The following PCDH15 variants were observed in gnomAD, a reference collection of about 807,000 sequenced individuals.
PCDH15 encodes the protein protocadherin related 15, also known as protocadherin-15.
PCDH15 carries 129 observed loss-of-function variants against 178.5 expected under a neutral mutation model. The ratio of observed to expected loss-of-function variants is 0.72; its 90% CI spans 0.63 to 0.84. The LOEUF (loss-of-function observed/expected upper bound fraction) is 0.84. PCDH15 is among the 40% of genes least tolerant of loss of function. The pLI is 0.00. For synonymous variants in PCDH15, 800 were observed against 732.0 expected (o/e 1.09, Z -1.50); for missense variants, 2,230 against 2,099.9 (o/e 1.06, Z -1.21).
At chr10:55,021,805 A>G (rs1840336234) in intron 2 of PCDH15, among the ~76,000 whole-genome samples, 1 of 152,132 alleles carries the variant, frequency 6.6e-6, no homozygotes. Context: ...AAGGCACATT[A>G]AGAAGTAATA....
chr10:55,161,978 A>G (rs1264098932), intron 2 of PCDH15, among the ~76,000 whole-genome samples: 1 of 152,162 alleles, frequency 6.6e-6, no homozygotes, highest in Admixed American at 6.6e-5. Context: ...AGAAATACTT[A>G]AGCTCCCTTC....
chr10:55,152,582 A>G (rs938936919), intron 2 of PCDH15, among the ~76,000 whole-genome samples: 4 of 152,180 alleles, frequency 2.6e-5, no homozygotes, highest in African/African-American at 9.6e-5. Flanking sequence ...CTTTCCTGCT[A>G]GATGACACAG....
intron 13 of PCDH15, among the ~76,000 whole-genome samples, chr10:54,169,046 G>A (rs2133580722): frequency 6.6e-6 from 1 of 152,226 alleles, no homozygotes; most frequent in East Asian, 1.9e-4. Flanking sequence ...AGGAAATCTG[G>A]CCACTGGGCC....
At chr10:55,040,871 CAG>C (rs1174607714) in intron 2 of PCDH15, among the ~76,000 whole-genome samples, 5 of 151,670 alleles carry the variant, frequency 3.3e-5, no homozygotes, top group African/African-American at 9.7e-5. Flanking sequence ...TTTGTATCTG[CAG>C]AGAGAGATGA....
chr10:53,984,148 CT>C (rs66540462), intron 21 of PCDH15, among the ~76,000 whole-genome samples: 48 of 63,532 alleles, frequency 7.6e-4, no homozygotes, highest in Middle Eastern at 0.014. Context: ...TTTTTCTTTT[CT>C]TTTTTTTTTT....
At chr10:53,924,627 A>G (rs2084329158) in intron 25 of PCDH15, among the ~76,000 whole-genome samples, 1 of 152,248 alleles carries the variant, frequency 6.6e-6, no homozygotes, top group Non-Finnish European at 1.5e-5. Flanking sequence ...CACTAGGTGA[A>G]GCCAGCTGGG....
chr10:54,211,725 A>T lies in PCDH15; in HGVS notation c.1098+2211T>A, dbSNP rs76052277. Among the ~76,000 whole-genome samples, 1,411 of 152,174 alleles carry T rather than the reference A, an allele frequency of 9.3e-3. 25 individuals are homozygous for T. The highest frequency in any genetic ancestry group is 0.032 in the African/African-American group (1,336 of 41,522). Reference sequence around the variant, plus strand: ...ACAAAAACTTTTAGGGCCAATGAAAAAATGAAGTATTATTAAAGTAAAAAG... The same window carrying T: ...ACAAAAACTTTTAGGGCCAATGAAATAATGAAGTATTATTAAAGTAAAAAG... On this transcript the variant is annotated intron_variant, in intron 10 of 37. Transcript: ENST00000644397.
At chr10:55,528,518 T>C (rs1377279941) in intron 2 of PCDH15, among the ~76,000 whole-genome samples, 1 of 152,080 alleles carries the variant, frequency 6.6e-6, no homozygotes, top group Non-Finnish European at 1.5e-5. Flanking sequence ...AGAATGATGG[T>C]TTCTAGCTTC....
chr10:55,408,002 C>T (rs1838241825), intron 2 of PCDH15, among the ~76,000 whole-genome samples: 1 of 151,864 alleles, frequency 6.6e-6, no homozygotes, highest in Admixed American at 6.6e-5. Flanking sequence ...CACAGAGGCA[C>T]CAAAAATGTG....
At chr10:54,053,129 T>C (rs1379091983) in intron 18 of PCDH15, among the ~76,000 whole-genome samples, 1 of 152,086 alleles carries the variant, frequency 6.6e-6, no homozygotes, top group Non-Finnish European at 1.5e-5. Flanking sequence ...AAGTATACTC[T>C]TACACATACT....
At position 54,569,342 on chromosome 10, in the gene PCDH15, C is replaced by T. The variant is rs576740094; in HGVS notation, c.92-41465G>A. 1.3e-5 allele frequency among the ~76,000 whole-genome samples: 2 copies of T among 152,174 alleles called. 1 individual carries two copies. The highest frequency in any genetic ancestry group is 4.1e-4 in the South Asian group (2 of 4,832). Reference sequence around the variant, plus strand: ...TAATCTCATTTTTTATTTGATCATGCTTATTGCTTAATGGTCATAGAAATG... The same window carrying T: ...TAATCTCATTTTTTATTTGATCATGTTTATTGCTTAATGGTCATAGAAATG... On this transcript the variant is annotated intron_variant, in intron 2 of 37. Coordinates refer to ENST00000644397, the MANE Select transcript of PCDH15 (RefSeq NM_001384140.1).
intron 1 of PCDH15, among the ~76,000 whole-genome samples, chr10:55,253,101 C>T (rs1841885249): frequency 6.6e-6 from 1 of 151,908 alleles, no homozygotes; most frequent in Non-Finnish European, 1.5e-5. Flanking sequence ...TATGAAGTTT[C>T]AATTATTTGT....
intron 18 of PCDH15, among the ~76,000 whole-genome samples, chr10:54,036,190 T>A (rs951264453): frequency 6.6e-6 from 1 of 151,980 alleles, no homozygotes; most frequent in Non-Finnish European, 1.5e-5. Flanking sequence ...TGCAGCTAGT[T>A]ATCCAGAAAA....
At chr10:53,845,651 C>A (rs2077923281) in intron 28 of PCDH15, among the ~76,000 whole-genome samples, 1 of 151,620 alleles carries the variant, frequency 6.6e-6, no homozygotes, top group Admixed American at 6.6e-5. Context: ...TATTCTCATT[C>A]ATATGTGGGA....
At chr10:54,497,369 T>G (rs2080226348) in intron 3 of PCDH15, among the ~76,000 whole-genome samples, 1 of 152,094 alleles carries the variant, frequency 6.6e-6, no homozygotes. Context: ...GCACAAGAAT[T>G]CTGGTGACTA....
chr10:54,906,727 A>G (rs1427353330), intron 2 of PCDH15, among the ~76,000 whole-genome samples: 2 of 152,166 alleles, frequency 1.3e-5, no homozygotes, highest in Non-Finnish European at 2.9e-5. Context: ...TTATAAAGGT[A>G]CATCCTAGTA....
rs1477154346 is a variant in PCDH15 at position 55,582,624 on chromosome 10, A to ATTTTTT, written c.-156+45000_-156+45001insAAAAAA. On this transcript the variant is annotated intron_variant, in intron 2 of 5. Transcript: ENST00000613346. ...TATATATATATATATATATATATAT[A>ATTTTTT]TATATTTTTTTTTTTTTGCTATATT... is the stretch of plus-strand genomic sequence containing the variant. Among the ~76,000 whole-genome samples, 45 of 62,240 alleles carry ATTTTTT rather than the reference A, an allele frequency of 7.2e-4. 1 individual carries two copies. The highest frequency in any genetic ancestry group is 2.3e-3 in the African/African-American group (36 of 15,938). 40.8% of individuals were successfully genotyped at this position (62,240 alleles called of 152,430 possible). A position where few individuals can be genotyped will look rare whatever the true frequency, so the allele number is the denominator to read the frequency against.
chr10:54,393,762 G>A (rs1219254238), intron 3 of PCDH15, among the ~76,000 whole-genome samples: 2 of 152,026 alleles, frequency 1.3e-5, no homozygotes, highest in African/African-American at 2.4e-5. Context: ...TCAGTATAAA[G>A]AGCCCATTCA....
In PCDH15 at chr10:54,215,702, G is replaced by C. The variant is rs537099469; in HGVS notation, c.986-1654C>G. On this transcript the variant is annotated intron_variant, in intron 9 of 37. Coordinates refer to ENST00000644397, the MANE Select transcript of PCDH15 (RefSeq NM_001384140.1). Reference sequence around the variant, plus strand: ...GCAAAATTGCATGGTGAGACACAATGAACAAAGTAAAACCACAAGTGACAA... The same window carrying C: ...GCAAAATTGCATGGTGAGACACAATCAACAAAGTAAAACCACAAGTGACAA... Among the ~76,000 whole-genome samples, 24 of 152,248 alleles carry C rather than the reference G, an allele frequency of 1.6e-4. No homozygotes were observed. In the South Asian group the frequency reaches 4.6e-3, roughly 29 times the overall value.
Sources: allele counts gnomAD v4.1 joint callset (sites outside exome capture counted in the v4.1 genomes callset), GRCh38; gene constraint gnomAD v4.1.1; transcripts MANE v1.5; gene names NCBI Gene and HGNC (gene_info 2026-07-23, HGNC 2026-07-21).